MACF1: variants seen among roughly 807,000 people sequenced by gnomAD.
MACF1 encodes the protein microtubule actin crosslinking factor 1.
In MACF1, 193 loss-of-function variants were observed where a neutral mutation model predicts 854.8. The ratio of observed to expected loss-of-function variants is 0.23; its 90% CI spans 0.20 to 0.25. The LOEUF is 0.25. Among genes scored for constraint, MACF1 ranks in the 10% least tolerant of loss-of-function variants. The pLI is 1.00. For synonymous variants in MACF1, 3,185 were observed against 3,226.7 expected (o/e 0.99, Z 0.44); for missense variants, 7,722 against 8,929.1 (o/e 0.86, Z 5.45).
chr1:39,359,251 T>C lies in MACF1; in HGVS notation c.12231T>C (p.Val4077=), dbSNP rs1260471528. The C allele has an allele frequency of 1.2e-6, 2 of 1,614,182 alleles. No homozygotes were observed. Among genetic ancestry groups the C allele is most frequent in the Admixed American group, 3.3e-5 (2 of 60,022 alleles). ...AGCCAGCCCCAGACCACAGGCATGT[T>C]CAAGAAACTACAGGTATAAAGCAGC... ...EGEPAPDHRH[V]QETTDSILSH... is the part of the protein sequence containing the mutation. Residue 4077 remains valine, a synonymous_variant, in exon 47 of 101, where the codon GTT becomes GTC. Transcript: ENST00000564288.
intron 44 of MACF1, among the ~76,000 whole-genome samples, chr1:39,355,460 C>CTTTTT (rs56202498): frequency 2.3e-3 from 183 of 81,070 alleles, no homozygotes; most frequent in Non-Finnish European, 2.9e-3. Context: ...TTTTCTTCTG[C>CTTTTT]TTTTTTTTTT....
intron 33 of MACF1, 103 bp downstream of exon 33, chr1:39,323,111 G>A (rs1646543346): frequency 9.6e-7 from 1 of 1,045,878 alleles, no homozygotes; most frequent in South Asian, 1.3e-5. Context: ...TGGCTGAGTT[G>A]GGAGGATTAC....
At chr1:39,284,003 T>A in intron 9 of MACF1, 63 bp from the exon 10 acceptor site, 1 of 1,588,758 alleles carries the variant, frequency 6.3e-7, no homozygotes, top group Non-Finnish European at 8.6e-7. Context: ...CCTGAGCTAC[T>A]TTCTCTTGTG....
At chr1:39,089,001 C>T (rs1335703030) in intron 2 of MACF1, among the ~76,000 whole-genome samples, 3 of 152,168 alleles carry the variant, frequency 2.0e-5, no homozygotes, top group Non-Finnish European at 4.4e-5. Flanking sequence ...CAGGACCCTC[C>T]CTGTCCTTGG....
rs1444826102 is a variant in MACF1, at chr1:39,411,093, C to G, written c.15817-11281C>G. 4 of 1,613,500 alleles carry G rather than the reference C, an allele frequency of 2.5e-6. No homozygotes were observed. In the South Asian group the frequency reaches 3.3e-5, roughly 13 times the overall value. ...AGGGAGGCTTCAGTGAGAAGCAGCA[C>G]CCCCTTGGGGACACAGCCTGCACTG... On this transcript the variant is annotated intron_variant, in intron 58 of 100. Transcript: ENST00000564288.
chr1:39,431,492 A>T (rs544162499), intron 66 of MACF1, among the ~76,000 whole-genome samples: 1 of 152,234 alleles, frequency 6.6e-6, no homozygotes, highest in Non-Finnish European at 1.5e-5. Context: ...TTAGGATCAT[A>T]GTGATGAACA....
At chr1:39,291,769 G>A in intron 15 of MACF1, 141 bp from the exon 16 acceptor site, 1 of 709,746 alleles carries the variant, frequency 1.4e-6, no homozygotes. Context: ...TTGTGTAAGA[G>A]GCTGTAGATT....
intron 23 of MACF1, 24 bp downstream of exon 23, chr1:39,303,102 G>T (rs1571301111): frequency 6.2e-7 from 1 of 1,610,762 alleles, no homozygotes; most frequent in South Asian, 1.1e-5. Context: ...GCTGCCACTG[G>T]TACACCCACC....
chr1:39,262,959 A>C (rs1645181889), intron 6 of MACF1, among the ~76,000 whole-genome samples: 1 of 152,018 alleles, frequency 6.6e-6, no homozygotes, highest in Non-Finnish European at 1.5e-5. Context: ...CTGAAGGATC[A>C]TGTGGAGTGC....
At chr1:39,161,845 C>T (rs940066750) in intron 2 of MACF1, among the ~76,000 whole-genome samples, 15 of 150,000 alleles carry the variant, frequency 1.0e-4, no homozygotes, top group African/African-American at 3.7e-4. Flanking sequence ...CCAGCTTGGG[C>T]GACAGAGCGA....
chr1:39,422,684 A>G (rs749323811), intron 59 of MACF1, 46 bp from the exon 60 acceptor site: 8 of 1,587,220 alleles, frequency 5.0e-6, no homozygotes, highest in Non-Finnish European at 6.9e-6. Context: ...TAATTTGAAA[A>G]CTACTTTCTC....
chr1:39,176,756 G>A (rs565595938), intron 2 of MACF1, among the ~76,000 whole-genome samples: 7 of 152,300 alleles, frequency 4.6e-5, no homozygotes, highest in African/African-American at 1.7e-4. Flanking sequence ...AGCCCACCTG[G>A]AGAAGTCAAA....
In MACF1 at chr1:39,184,265, C is replaced by T. The variant is rs56335996; in HGVS notation, c.221-46917C>T. On this transcript the variant is annotated intron_variant, in intron 2 of 93. Transcript: ENST00000361689. ...TCATGGACTTCTTTTTCATGCAGGG[C>T]GGCGTGTGTGGGTTCCTGCACTGTG... Among the ~76,000 whole-genome samples the T allele has an allele frequency of 5.2e-3, 791 of 152,162 alleles. 6 individuals carry two copies. Among genetic ancestry groups the T allele is most frequent in the African/African-American group, 0.018 (753 of 41,488 alleles).
At chr1:39,320,315 C>G (rs1176797441) in intron 31 of MACF1, among the ~76,000 whole-genome samples, 1 of 152,176 alleles carries the variant, frequency 6.6e-6, no homozygotes, top group Non-Finnish European at 1.5e-5. Context: ...TATTTTCCCA[C>G]AGAGTAGCCA....
chr1:39,296,730 AAAAGAAAG>A (rs202187123), intron 20 of MACF1, among the ~76,000 whole-genome samples: 3 of 87,032 alleles, frequency 3.4e-5, no homozygotes, highest in African/African-American at 1.0e-4. Flanking sequence ...TGTCTAAATA[AAAAGAAAG>A]AAAGAAAGAA....
chr1:39,233,317 A>C (rs933266205), intron 2 of MACF1, among the ~76,000 whole-genome samples: 1 of 152,210 alleles, frequency 6.6e-6, no homozygotes, highest in Non-Finnish European at 1.5e-5. Flanking sequence ...TATAGGCGTG[A>C]GCCACTGTGC....
intron 2 of MACF1, among the ~76,000 whole-genome samples, chr1:39,099,377 G>A (rs1433118533): frequency 1.3e-5 from 2 of 152,106 alleles, no homozygotes; most frequent in African/African-American, 2.4e-5. Flanking sequence ...GGCTGGCCTC[G>A]AACTCCTGAC....
At chr1:39,126,910 A>G (rs990663891) in intron 2 of MACF1, among the ~76,000 whole-genome samples, 6 of 152,198 alleles carry the variant, frequency 3.9e-5, no homozygotes, top group Non-Finnish European at 7.3e-5. Context: ...AAGATTTATT[A>G]CTAAGATTTA....
Position 39,337,330 on chromosome 1 carries a change from A to C in MACF1, c.10214A>C (p.Lys3405Thr), listed in dbSNP as rs371114647. ...AELQDLLCQAKVLERELKDLT... is the reference protein window; with the variant it reads ...AELQDLLCQATVLERELKDLT... Reference sequence around the variant, plus strand: ...CTACAGGATCTGCTGTGTCAGGCCAAGGTAGGTTCCCAGAGACTTCCACCA... The same window carrying C: ...CTACAGGATCTGCTGTGTCAGGCCACGGTAGGTTCCCAGAGACTTCCACCA... Residue 3405 changes from lysine to threonine, a missense_variant and splice_region_variant, in exon 38 of 101, where the codon AAG (lysine) becomes ACG (threonine). Transcript: ENST00000564288. 4 of 1,613,062 alleles carry C rather than the reference A, an allele frequency of 2.5e-6. No homozygotes were observed. In the African/African-American group the frequency reaches 5.3e-5, roughly 22 times the overall value.
Sources: allele counts gnomAD v4.1 joint callset (sites outside exome capture counted in the v4.1 genomes callset), GRCh38; gene constraint gnomAD v4.1.1; transcripts MANE v1.5; gene names NCBI Gene and HGNC (gene_info 2026-07-23, HGNC 2026-07-21).